The following GABRB1 variants were observed in gnomAD, a reference collection of about 807,000 sequenced individuals.
GABRB1 encodes gamma-aminobutyric acid receptor subunit beta-1.
A neutral mutation model predicts 51.6 loss-of-function variants in GABRB1; 17 were observed. The ratio of observed to expected loss-of-function variants is 0.33; its 90% confidence interval spans 0.23 to 0.49. The LOEUF (loss-of-function observed/expected upper bound fraction) is 0.49, where lower values mean the gene tolerates loss of function less well. Ranked by LOEUF, GABRB1 falls within the 20% of genes least tolerant of loss-of-function variation. GABRB1 has a pLI of 0.99. For missense variants in GABRB1, 410 were observed against 600.6 expected (o/e 0.68, Z 3.32); for synonymous variants, 247 against 218.9 (o/e 1.13, Z -1.14).
chr4:47,188,499 A>C (rs1038202432), intron 4 of GABRB1, among the ~76,000 whole-genome samples: 3 of 151,952 alleles, frequency 2.0e-5, no homozygotes, highest in Admixed American at 2.0e-4. Flanking sequence ...TGTTTGTTAG[A>C]CTGCAATCAA....
intron 4 of GABRB1, among the ~76,000 whole-genome samples, chr4:47,304,978 A>AT (rs1724392921): frequency 6.6e-6 from 1 of 152,100 alleles, no homozygotes; most frequent in Non-Finnish European, 1.5e-5. Flanking sequence ...TCAGACATAG[A>AT]TTAATCACTG....
At chr4:47,028,385 AC>A (rs1389355666), upstream of GABRB1, among the ~76,000 whole-genome samples, 1 of 151,780 alleles carries the variant, frequency 6.6e-6, no homozygotes, top group Non-Finnish European at 1.5e-5. Flanking sequence ...GACTACAGTC[AC>A]CCTACTCTGC....
intron 3 of GABRB1, among the ~76,000 whole-genome samples, chr4:47,067,264 T>C (rs906105852): frequency 6.6e-6 from 1 of 152,244 alleles, no homozygotes; most frequent in African/African-American, 2.4e-5. Flanking sequence ...ACCGTAACTC[T>C]TAAGAGTCCT....
In GABRB1 at chr4:47,054,950, G is replaced by A. The variant is rs1376732125; in HGVS notation, c.240+22466G>A. ...TCCTATTGGATTTGGTAATATAAAGGTGACTTAGTTATTTTTAAAACTCCT... is the reference window on the plus strand; with the variant it reads ...TCCTATTGGATTTGGTAATATAAAGATGACTTAGTTATTTTTAAAACTCCT... On this transcript the variant is annotated intron_variant, in intron 3 of 8. Coordinates refer to ENST00000295454, the MANE Select transcript of GABRB1 (RefSeq NM_000812.4). Among the ~76,000 whole-genome samples the A allele has an allele frequency of 4.6e-5, 7 of 152,218 alleles. No individual in the cohort carries two copies. In the South Asian group the frequency reaches 1.2e-3, roughly 27 times the overall value.
In GABRB1 at chr4:47,184,715, T is replaced by A. The variant is rs1719099166; in HGVS notation, c.461+23246T>A. Among the ~76,000 whole-genome samples, 3 of 151,926 alleles carry A rather than the reference T, an allele frequency of 2.0e-5. No homozygotes were observed. In the South Asian group the frequency reaches 6.2e-4, roughly 31 times the overall value. On this transcript the variant is annotated intron_variant, in intron 4 of 8. Transcript: ENST00000295454. ...AGCTGAGATTACATTACCTTAGCTT[T>A]GCTTCTCAACCTGAAAAACTTGGTG...
intron 4 of GABRB1, among the ~76,000 whole-genome samples, chr4:47,171,784 CAT>C (rs1407277611): frequency 2.0e-5 from 3 of 152,084 alleles, no homozygotes; most frequent in Non-Finnish European, 2.9e-5. Context: ...CTATGTAACA[CAT>C]GTTGCTTACA....
intron 4 of GABRB1, among the ~76,000 whole-genome samples, chr4:47,263,375 G>A (rs1017702350): frequency 1.3e-5 from 2 of 151,986 alleles, no homozygotes; most frequent in African/African-American, 4.8e-5. Context: ...TAACACACAA[G>A]CAGTAAATAT....
At chr4:47,125,781 T>G (rs1212876041) in intron 3 of GABRB1, among the ~76,000 whole-genome samples, 1 of 148,778 alleles carries the variant, frequency 6.7e-6, no homozygotes, top group Non-Finnish European at 1.5e-5. Context: ...GGTCTCAATC[T>G]CCTGACCTCG....
At chr4:47,274,471 A>T (rs1195966418) in intron 4 of GABRB1, among the ~76,000 whole-genome samples, 1 of 152,144 alleles carries the variant, frequency 6.6e-6, no homozygotes, top group South Asian at 2.1e-4. Flanking sequence ...AATTATCTAT[A>T]TGTAGAAAGG....
chr4:47,014,313 G>C (rs1019441603), intron 1 of GABRB1, among the ~76,000 whole-genome samples: 34 of 152,116 alleles, frequency 2.2e-4, no homozygotes, highest in African/African-American at 7.7e-4. Context: ...CTTGCAGCTA[G>C]CTATTCTTTG....
At chr4:47,417,431 A>G (rs921736653) in intron 8 of GABRB1, among the ~76,000 whole-genome samples, 1 of 152,070 alleles carries the variant, frequency 6.6e-6, no homozygotes, top group Non-Finnish European at 1.5e-5. Context: ...GCAAAGCATC[A>G]GCAGAACCTC....
intron 4 of GABRB1, among the ~76,000 whole-genome samples, chr4:47,223,723 G>A (rs16860076): frequency 0.015 from 2,350 of 152,154 alleles, 68 homozygotes; most frequent in African/African-American, 0.054. Flanking sequence ...AGACCCACAA[G>A]ATGATGATTT....
intron 8 of GABRB1, among the ~76,000 whole-genome samples, chr4:47,410,178 G>T (rs1446814364): frequency 6.6e-6 from 1 of 152,120 alleles, no homozygotes. Context: ...TTTAAAATAT[G>T]TTTTTATCCA....
chr4:47,181,638 G>C (rs1228392788), intron 4 of GABRB1, among the ~76,000 whole-genome samples: 1 of 151,918 alleles, frequency 6.6e-6, no homozygotes, highest in Non-Finnish European at 1.5e-5. Context: ...GGTTGTAAGG[G>C]CAATAATGAG....
intron 8 of GABRB1, among the ~76,000 whole-genome samples, chr4:47,421,565 T>A (rs987417774): frequency 3.3e-5 from 5 of 152,124 alleles, no homozygotes; most frequent in African/African-American, 1.2e-4. Flanking sequence ...ACCTTCCATT[T>A]ATAGATAAGG....
At chr4:47,418,412 C>T (rs937437985) in intron 8 of GABRB1, among the ~76,000 whole-genome samples, 9 of 152,290 alleles carry the variant, frequency 5.9e-5, no homozygotes, top group East Asian at 1.9e-4. Context: ...ATTTCTTTTC[C>T]TGGAAACCTC....
At position 47,130,398 on chromosome 4, in the gene GABRB1, G is replaced by A. The variant is rs568134016; in HGVS notation, c.241-30851G>A. 2.0e-5 allele frequency among the ~76,000 whole-genome samples: 3 copies of A among 147,042 alleles called. No individual in the cohort carries two copies. In the East Asian group the frequency reaches 6.2e-4, roughly 30 times the overall value. ...GTGTGTGCTTTCTTTTCCAGTTTAA[G>A]AAAATACAATGTTCCTGGAAAATTC... On this transcript the variant is annotated intron_variant, in intron 3 of 8. Coordinates refer to ENST00000295454, the MANE Select transcript of GABRB1 (RefSeq NM_000812.4).
At chr4:47,153,525 A>T (rs895591524) in intron 3 of GABRB1, among the ~76,000 whole-genome samples, 9 of 152,194 alleles carry the variant, frequency 5.9e-5, no homozygotes, top group African/African-American at 2.2e-4. Flanking sequence ...TTAAGAGTAG[A>T]TATTAGATTA....
At chr4:47,128,322 T>C (rs1560548036) in intron 3 of GABRB1, among the ~76,000 whole-genome samples, 1 of 151,792 alleles carries the variant, frequency 6.6e-6, no homozygotes, top group South Asian at 2.1e-4. Flanking sequence ...TGCGAGTCCA[T>C]CTTAAGCTTG....
Sources: allele counts gnomAD v4.1 joint callset (sites outside exome capture counted in the v4.1 genomes callset), GRCh38; gene constraint gnomAD v4.1.1; transcripts MANE v1.5; gene names NCBI Gene and HGNC (gene_info 2026-07-23, HGNC 2026-07-21).